The following GRM4 variants were observed in gnomAD, a reference collection of about 807,000 sequenced individuals.
GRM4 encodes the protein glutamate metabotropic receptor 4.
A neutral mutation model predicts 81.7 loss-of-function variants in GRM4; 28 were observed. The ratio of observed to expected loss-of-function variants is 0.34; its 90% CI spans 0.25 to 0.47. The LOEUF (loss-of-function observed/expected upper bound fraction) is 0.47, where lower values mean the gene tolerates loss of function less well. GRM4 is among the 20% of genes least tolerant of loss of function. The pLI, the probability that GRM4 is intolerant of heterozygous loss-of-function variation, is 1.00. For synonymous variants in GRM4, 488 were observed against 528.8 expected (o/e 0.92, Z 1.06); for missense variants, 948 against 1,290.0 (o/e 0.73, Z 4.06).
At position 34,056,670 on chromosome 6, in the gene GRM4, A is replaced by AG. The variant is rs1173498774; in HGVS notation, c.1041dup (p.Phe348LeufsTer45). On this transcript the variant is annotated frameshift_variant, in exon 6 of 11. Transcript: ENST00000538487. LOFTEE classifies it high-confidence loss of function. ...TTGTTGTCCAGCGTGCGGCTGGAGA[A>AG]GTAGCGGTCGAAGCCTGGCAGGGAA... The AG allele has an allele frequency of 6.2e-7, 1 of 1,613,422 alleles. No individual in the cohort carries two copies.
In GRM4 at chr6:34,087,799, TACACAC is replaced by T. The variant is rs71000022; in HGVS notation, c.736+4078_736+4083del. ...CCAGAACTTCCCAGACATGCACCCC[TACACAC>T]ACACACACACACACACACACACACA... On this transcript the variant is annotated intron_variant, in intron 3 of 10. Coordinates refer to ENST00000538487, the MANE Select transcript of GRM4 (RefSeq NM_000841.4). 5.4e-3 allele frequency among the ~76,000 whole-genome samples: 476 copies of T among 88,394 alleles called. 7 individuals carry two copies. Among genetic ancestry groups the T allele is most frequent in the African/African-American group, 0.019 (383 of 20,524 alleles). 58.0% of individuals were successfully genotyped at this position (88,394 alleles called of 152,430 possible).
intron 9 of GRM4, among the ~76,000 whole-genome samples, chr6:34,031,890 G>A (rs912886553): frequency 2.6e-5 from 4 of 152,132 alleles, no homozygotes; most frequent in East Asian, 1.9e-4. Flanking sequence ...ATACACGTAC[G>A]TACCTGCATT....
chr6:34,154,111 G>C (rs1030336634), intron 1 of GRM4, among the ~76,000 whole-genome samples: 18 of 152,198 alleles, frequency 1.2e-4, no homozygotes, highest in Non-Finnish European at 1.6e-4. Flanking sequence ...ACATTCAGCC[G>C]TATTCAGCCT....
rs1228628982 is a variant in GRM4, at chr6:34,056,551, C to T, written c.1161G>A (p.Lys387=). 1 of 1,612,882 alleles carries T rather than the reference C, an allele frequency of 6.2e-7. No individual in the cohort carries two copies. The highest frequency in any genetic ancestry group is 2.2e-5 in the East Asian group (1 of 44,878). ...CCCGGCCCGCGTGCTCACTGGTGCA[C>T]TTCTTGACGTGGCTGCCCTTCTTGA... ...HALKKGSHVK[K]CTNRERIGQD... Residue 387 remains lysine, a synonymous_variant, in exon 6 of 11, where the codon AAG becomes AAA. Transcript: ENST00000538487.
chr6:34,056,726 C>A, intron 5 of GRM4, 42 bp from the exon 6 acceptor site: 1 of 1,590,712 alleles, frequency 6.3e-7, no homozygotes, highest in Non-Finnish European at 8.6e-7. Context: ...TGGCCTTCTT[C>A]CCCACCAGCC....
chr6:34,039,506 G>C (rs1003975434), intron 8 of GRM4, among the ~76,000 whole-genome samples: 1 of 152,198 alleles, frequency 6.6e-6, no homozygotes, highest in Non-Finnish European at 1.5e-5. Context: ...CAAGCACTTT[G>C]TTGAGGAACA....
At chr6:34,131,737 C>A (rs1770241273) in intron 2 of GRM4, among the ~76,000 whole-genome samples, 1 of 152,182 alleles carries the variant, frequency 6.6e-6, no homozygotes. Flanking sequence ...CAGAAAGAGT[C>A]CCGGTGAGAG....
intron 3 of GRM4, among the ~76,000 whole-genome samples, chr6:34,084,284 C>T (rs1316842173): frequency 6.6e-6 from 1 of 152,116 alleles, no homozygotes; most frequent in Non-Finnish European, 1.5e-5. Context: ...GTGCTGAGGC[C>T]CTGCTATGTG....
chr6:34,118,363 G>A (rs181907274), intron 2 of GRM4, among the ~76,000 whole-genome samples: 3 of 152,314 alleles, frequency 2.0e-5, no homozygotes, highest in Admixed American at 1.3e-4. Context: ...TGCACTAAGA[G>A]CTGCTGGACT....
chr6:34,109,067 C>T (rs887758003), intron 2 of GRM4, among the ~76,000 whole-genome samples: 3 of 152,214 alleles, frequency 2.0e-5, no homozygotes, highest in Non-Finnish European at 4.4e-5. Flanking sequence ...AGTTGCCATC[C>T]TCAGCTGCCA....
At position 34,144,659 on chromosome 6, in the gene GRM4, C is replaced by A. The variant is rs377194734; in HGVS notation, c.-364+1341G>T. Among the ~76,000 whole-genome samples, 8 of 152,258 alleles carry A rather than the reference C, an allele frequency of 5.3e-5. No individual in the cohort carries two copies. The South Asian group carries it at 1.4e-3, about 28-fold the overall frequency. ...GAGGCGCGCGAGGCTGGGTGCCCTC[C>A]CGCCGGGAGACTGCCGGGAAGAGGT... On this transcript the variant is annotated intron_variant, in intron 1 of 10. Transcript: ENST00000538487.
In GRM4 at chr6:34,132,546, ATTC is replaced by A. The variant is rs960875202; in HGVS notation, c.519+429_519+431del. Among the ~76,000 whole-genome samples, 50 of 150,840 alleles carry A rather than the reference ATTC, an allele frequency of 3.3e-4. 1 individual carries two copies. Among genetic ancestry groups the A allele is most frequent in the African/African-American group, 1.2e-3 (48 of 40,326 alleles). ...GGCAATCTCCAGCATTCATATTTCC[ATTC>A]TTCTTATCTGTCTGTCTGTCTGTCT... On this transcript the variant is annotated intron_variant, in intron 2 of 10. Coordinates refer to ENST00000538487, the MANE Select transcript of GRM4 (RefSeq NM_000841.4).
chr6:34,123,795 T>G (rs1157015490), intron 2 of GRM4, among the ~76,000 whole-genome samples: 1 of 152,218 alleles, frequency 6.6e-6, no homozygotes, highest in Non-Finnish European at 1.5e-5. Context: ...CCAGGCCAGC[T>G]GGCCCCAGGG....
chr6:34,028,987 A>C (rs1764277495), intron 9 of GRM4, among the ~76,000 whole-genome samples: 1 of 152,246 alleles, frequency 6.6e-6, no homozygotes, highest in African/African-American at 2.4e-5. Context: ...GCTCGCCAGC[A>C]CTAACAGTGA....
At position 34,114,025 on chromosome 6, in the gene GRM4, A is replaced by T. The variant is rs566013024; in HGVS notation, c.519+18953T>A. Among the ~76,000 whole-genome samples, 1 of 152,194 alleles carries T rather than the reference A, an allele frequency of 6.6e-6. No individual in the cohort carries two copies. The highest frequency in any genetic ancestry group is 2.1e-4 in the South Asian group (1 of 4,818). ...GTGCCTGCCACCCAAAACACCACCCAGCCACCTGGCTGCCTTCCTCACTCA... is the reference window on the plus strand; with the variant it reads ...GTGCCTGCCACCCAAAACACCACCCTGCCACCTGGCTGCCTTCCTCACTCA... On this transcript the variant is annotated intron_variant, in intron 2 of 10. Coordinates refer to ENST00000538487, the MANE Select transcript of GRM4 (RefSeq NM_000841.4). The surrounding 1 kb of genome is among the most constrained non-coding windows in gnomAD (Gnocchi z 4.3).
chr6:34,030,607 A>G (rs1196969194), intron 9 of GRM4, among the ~76,000 whole-genome samples: 1 of 152,176 alleles, frequency 6.6e-6, no homozygotes, highest in Non-Finnish European at 1.5e-5. Flanking sequence ...GGCCAGCGCT[A>G]TGAGTGTACA....
rs1199828811 is a variant in GRM4 at position 34,115,362 on chromosome 6, A to AC, written c.519+17615dup. ...CATTGTTAGCGCAGTAGAGAGAGCAACCGTGTCTCCAGGCTTCAATTAAAA... is the reference window on the plus strand; with the variant it reads ...CATTGTTAGCGCAGTAGAGAGAGCAACCCGTGTCTCCAGGCTTCAATTAAAA... On this transcript the variant is annotated intron_variant, in intron 2 of 10. Coordinates refer to ENST00000538487, the MANE Select transcript of GRM4 (RefSeq NM_000841.4). The surrounding 1 kb of genome is among the most constrained non-coding windows in gnomAD (Gnocchi z 4.1). 1.3e-5 allele frequency among the ~76,000 whole-genome samples: 2 copies of AC among 152,180 alleles called. No homozygotes were observed. Among genetic ancestry groups the AC allele is most frequent in the Non-Finnish European group, 2.9e-5 (2 of 68,028 alleles).
At chr6:34,043,648 C>G (rs889841141) in intron 6 of GRM4, among the ~76,000 whole-genome samples, 4 of 152,162 alleles carry the variant, frequency 2.6e-5, no homozygotes, top group African/African-American at 7.2e-5. Context: ...ACACCTCCCC[C>G]AGGAGGCTGG....
At chr6:34,148,005 C>T (rs1770973811), upstream of GRM4, among the ~76,000 whole-genome samples, 1 of 151,924 alleles carries the variant, frequency 6.6e-6, no homozygotes, top group South Asian at 2.1e-4. Flanking sequence ...CTCCCCACCC[C>T]CTGCCCCTCA....
Sources: gnomAD v4.1 joint callset for allele counts (sites outside exome capture counted in the v4.1 genomes callset) on GRCh38, gnomAD v4.1.1 for gene constraint, Gnocchi (gnomAD v3.1) non-coding constraint, MANE v1.5 for transcripts, NCBI Gene and HGNC (gene_info 2026-07-23, HGNC 2026-07-21) for gene names.